Variants in KCNH3 observed in about 807,000 individuals in gnomAD.
KCNH3 encodes the protein voltage-gated inwardly rectifying potassium channel KCNH3.
Under a neutral mutation model 95.6 loss-of-function variants are expected in KCNH3, and 36 were observed. The ratio of observed to expected loss-of-function variants is 0.38; its 90% CI spans 0.29 to 0.50. KCNH3 has a LOEUF of 0.50. Among genes scored for constraint, KCNH3 ranks in the 20% least tolerant of loss-of-function variants. The pLI is 0.95. For missense variants in KCNH3, 1,030 were observed against 1,484.1 expected (o/e 0.69, Z 5.03); for synonymous variants, 620 against 646.3 (o/e 0.96, Z 0.62).
intron 11 of KCNH3, among the ~76,000 whole-genome samples, chr12:49,554,973 T>C (rs1451806953): frequency 6.6e-6 from 1 of 152,142 alleles, no homozygotes. Flanking sequence ...GGCTTTTGAA[T>C]TTCCCTGGAT....
chr12:49,541,830 C>G, intron 3 of KCNH3, 66 bp downstream of exon 3: 1 of 1,577,422 alleles, frequency 6.3e-7, no homozygotes, highest in Non-Finnish European at 8.6e-7. Flanking sequence ...GCCTTGGCAC[C>G]CAGTCTGAGT....
At chr12:49,548,800 G>A (rs911844684) in intron 7 of KCNH3, 95 bp from the exon 8 acceptor site, 1 of 1,317,202 alleles carries the variant, frequency 7.6e-7, no homozygotes, top group Non-Finnish European at 1.0e-6. Flanking sequence ...GGAAGCCATG[G>A]GGCTGGGTCT....
At chr12:49,549,756 T>A (rs1392815398) in intron 9 of KCNH3, 116 bp downstream of exon 9, 1 of 1,022,116 alleles carries the variant, frequency 9.8e-7, no homozygotes, top group Non-Finnish European at 1.4e-6. Context: ...TGTGCCTCCC[T>A]TCTCTCTTGA....
intron 2 of KCNH3, among the ~76,000 whole-genome samples, chr12:49,541,391 G>A (rs938028554): frequency 1.2e-4 from 19 of 152,242 alleles, no homozygotes; most frequent in South Asian, 2.1e-4. Context: ...AAAAACATCC[G>A]CATTTCGGCA....
At chr12:49,554,717 T>C (rs7953911) in intron 11 of KCNH3, among the ~76,000 whole-genome samples, 163 bp downstream of exon 11, 27,611 of 151,824 alleles carry the variant, frequency 0.18, 3,497 homozygotes, top group African/African-American at 0.37. Flanking sequence ...TCCACACTCA[T>C]GTGCCCAGCC....
intron 10 of KCNH3, among the ~76,000 whole-genome samples, chr12:49,553,921 T>C (rs775961781): frequency 1.1e-4 from 17 of 152,234 alleles, no homozygotes; most frequent in Non-Finnish European, 1.9e-4. Flanking sequence ...ACAATCAGAC[T>C]GTGGGGTCTC....
At chr12:49,553,184 G>A (rs1038588542) in intron 10 of KCNH3, among the ~76,000 whole-genome samples, 3 of 152,126 alleles carry the variant, frequency 2.0e-5, no homozygotes, top group African/African-American at 7.2e-5. Flanking sequence ...CGCCCAGGCT[G>A]GAGTGCAGTG....
intron 9 of KCNH3, 37 bp from the exon 10 acceptor site, chr12:49,550,043 T>TGGGCCCCCC: frequency 7.7e-7 from 1 of 1,299,540 alleles, no homozygotes; most frequent in Non-Finnish European, 1.1e-6. Context: ...CTTCTGCCAC[T>TGGGCCCCCC]CCCAACCCCC....
Position 49,541,763 on chromosome 12 carries a change from A to C in KCNH3, c.444A>C (p.Thr148=). Residue 148 remains threonine, a splice_region_variant and synonymous_variant, in exon 3 of 15, where the codon ACA becomes ACC. Coordinates refer to ENST00000257981, the MANE Select transcript of KCNH3 (RefSeq NM_012284.3). ...GGGGCCCCGACAGATGGAAGGAGAC[A>C]GGTAGGTGCATGTAGGTGCTGTGGT... ...NRGGPDRWKE[T]GGGRRRYGRA... is the part of the protein sequence containing the mutation. 6.2e-7 allele frequency: 1 copy of C among 1,614,030 alleles called. No individual in the cohort carries two copies. The highest frequency in any genetic ancestry group is 8.5e-7 in the Non-Finnish European group (1 of 1,180,012).
Position 49,557,944 on chromosome 12 carries a change from A to G in KCNH3, c.3243A>G (p.Thr1081=). The change falls in exon 15 of 15, where the codon ACA becomes ACG. Residue 1081 remains threonine, a synonymous_variant. Coordinates refer to ENST00000257981, the MANE Select transcript of KCNH3 (RefSeq NM_012284.3). ...GTVQWTQEEG[T]GV is the part of the protein sequence containing the mutation. Reference sequence around the variant, plus strand: ...TCCAGTGGACCCAGGAAGAAGGCACAGGGGTCTGAGTACCAGCCCTAGAAC... The same window carrying G: ...TCCAGTGGACCCAGGAAGAAGGCACGGGGGTCTGAGTACCAGCCCTAGAAC... The G allele has an allele frequency of 6.6e-7, 1 of 1,504,910 alleles. No individual in the cohort carries two copies. Among genetic ancestry groups the G allele is most frequent in the Admixed American group, 2.3e-5 (1 of 44,222 alleles). The allele number at this position is 1,504,910 out of a possible 1,614,324, so 93.2% of individuals were successfully genotyped here.
At position 49,549,231 on chromosome 12, in the gene KCNH3, G is replaced by T. The variant is rs561266288; in HGVS notation, c.1468+58G>T. ...ACTCCCAGACTTCTGCCCGCAGGCGGCGCCGTCCCACTCCCCGGAGGGCCT... is the reference window on the plus strand; with the variant it reads ...ACTCCCAGACTTCTGCCCGCAGGCGTCGCCGTCCCACTCCCCGGAGGGCCT... On this transcript the variant is annotated intron_variant, in intron 8 of 14. Transcript: ENST00000257981. 4.1e-5 allele frequency: 63 copies of T among 1,527,220 alleles called. No individual in the cohort carries two copies. In the African/African-American group the frequency reaches 8.3e-4, roughly 20 times the overall value. 94.6% of individuals were successfully genotyped at this position (1,527,220 alleles called of 1,614,324 possible).
chr12:49,557,763 C>T lies in KCNH3; in HGVS notation c.3062C>T (p.Ser1021Phe). Residue 1021 changes from serine to phenylalanine, a missense_variant, in exon 15 of 15, where the codon TCT becomes TTT. By Grantham distance (155) the Ser-to-Phe change is radical. Transcript: ENST00000257981. ...AGCACCCCTGCCTCCCCTCCTCCTTCTGAGGAAGGGGCTAGGACTGGGCCC... is the reference window on the plus strand; with the variant it reads ...AGCACCCCTGCCTCCCCTCCTCCTTTTGAGGAAGGGGCTAGGACTGGGCCC... ...EPSTPASPPP[S>F]EEGARTGPAE... The T allele has an allele frequency of 6.2e-7, 1 of 1,612,526 alleles. No homozygotes were observed. Among genetic ancestry groups the T allele is most frequent in the South Asian group, 1.1e-5 (1 of 90,964 alleles).
At chr12:49,551,139 C>T (rs1938242373) in intron 10 of KCNH3, among the ~76,000 whole-genome samples, 1 of 152,220 alleles carries the variant, frequency 6.6e-6, no homozygotes, top group Non-Finnish European at 1.5e-5. Context: ...CATGCTTCTT[C>T]CACAGGGCTC....
chr12:49,548,045 C>G (rs1313727716), intron 7 of KCNH3, among the ~76,000 whole-genome samples: 1 of 151,978 alleles, frequency 6.6e-6, no homozygotes, highest in Non-Finnish European at 1.5e-5. Context: ...GAACTTCGGG[C>G]TGAGGGGCAA....
chr12:49,557,082 C>T (rs1400855412), intron 13 of KCNH3, 101 bp from the exon 14 acceptor site: 5 of 1,152,640 alleles, frequency 4.3e-6, no homozygotes, highest in African/African-American at 1.5e-5. Flanking sequence ...GAGTCAGGTC[C>T]TACCAGGTCA....
In KCNH3 at chr12:49,557,217, C is replaced by G. The variant is rs571172358; in HGVS notation, c.2610C>G (p.Ser870Arg). 1 of 1,613,666 alleles carries G rather than the reference C, an allele frequency of 6.2e-7. No homozygotes were observed. The highest frequency in any genetic ancestry group is 1.3e-5 in the African/African-American group (1 of 74,854). Reference sequence around the variant, plus strand: ...TGCTCACTGTTCCCCATGGGCCCAGCGAGGCAAGGAACACAGACACACTGG... The same window carrying G: ...TGCTCACTGTTCCCCATGGGCCCAGGGAGGCAAGGAACACAGACACACTGG... ...SGLLTVPHGP[S>R]EARNTDTLDK... The change falls in exon 14 of 15, where the codon AGC becomes AGG. Residue 870 changes from serine to arginine, a missense_variant. By Grantham distance (110) the Ser-to-Arg change is moderately radical (BLOSUM62 -1). This residue lies in a region of KCNH3 where 464 missense variants were observed against 493.2 expected (regional missense o/e 0.94). Transcript: ENST00000257981.
chr12:49,556,356 A>G lies in KCNH3; in HGVS notation c.2469-14A>G. 1 of 1,592,906 alleles carries G rather than the reference A, an allele frequency of 6.3e-7. No individual in the cohort carries two copies. The highest frequency in any genetic ancestry group is 8.6e-7 in the Non-Finnish European group (1 of 1,161,330). ...CTGTCCATTGATTTGTTGTCCTGGT[A>G]CCTGGGTTCACAGGGTAGTAGATGG... On this transcript the variant is annotated splice_polypyrimidine_tract_variant and intron_variant, in intron 12 of 14. Transcript: ENST00000257981.
chr12:49,541,742 C>T lies in KCNH3; in HGVS notation c.423C>T (p.Gly141=). ...TCAGCGAAACCAAGAACCGAGGGGG[C>T]CCCGACAGATGGAAGGAGACAGGTA... ...KDISETKNRG[G]PDRWKETGGG... The change falls in exon 3 of 15, where the codon GGC becomes GGT. Residue 141 remains glycine (G), a synonymous_variant. Coordinates refer to ENST00000257981, the MANE Select transcript of KCNH3 (RefSeq NM_012284.3). 6.2e-7 allele frequency: 1 copy of T among 1,614,134 alleles called. No homozygotes were observed. Among genetic ancestry groups the T allele is most frequent in the Non-Finnish European group, 8.5e-7 (1 of 1,180,014 alleles).
chr12:49,546,955 C>T (rs1280036563), intron 7 of KCNH3, among the ~76,000 whole-genome samples: 6 of 152,204 alleles, frequency 3.9e-5, no homozygotes, highest in Admixed American at 6.5e-5. Context: ...AGTGCAACGG[C>T]GCAATCTCGG....
Sources: allele counts gnomAD v4.1 joint callset (sites outside exome capture counted in the v4.1 genomes callset), GRCh38; gene constraint gnomAD v4.1.1; regional missense constraint gnomAD v4.1.1; transcripts MANE v1.5; gene names NCBI Gene and HGNC (gene_info 2026-07-23, HGNC 2026-07-21).